The following ESRRG variants were observed in gnomAD, a reference collection of about 807,000 sequenced individuals.
ESRRG encodes the protein estrogen related receptor gamma.
In ESRRG, 13 loss-of-function variants were observed where a neutral mutation model predicts 44.0. That is an observed-to-expected ratio of 0.30 (90% CI 0.19 to 0.47). The LOEUF (loss-of-function observed/expected upper bound fraction) is 0.47, where lower values mean the gene tolerates loss of function less well. Among genes scored for constraint, ESRRG ranks in the 20% least tolerant of loss-of-function variants. The probability of loss-of-function intolerance (pLI) is 1.00; values close to 1 mark genes in which losing one functional copy is unlikely to be tolerated. For synonymous variants in ESRRG, 215 were observed against 214.6 expected, an observed-to-expected ratio of 1.00 and a Z score of -0.02; for missense variants, 395 against 580.6, an observed-to-expected ratio of 0.68 and a Z score of 3.29.
At chr1:216,614,514 T>C (rs1456623125) in intron 3 of ESRRG, among the ~76,000 whole-genome samples, 1 of 152,182 alleles carries the variant, frequency 6.6e-6, no homozygotes, top group African/African-American at 2.4e-5. Context: ...CCATTAACAA[T>C]GAATTCTGAT....
intron 1 of ESRRG, among the ~76,000 whole-genome samples, chr1:217,024,497 C>T (rs1166857538): frequency 6.6e-6 from 1 of 152,130 alleles, no homozygotes; most frequent in Non-Finnish European, 1.5e-5. Context: ...CAGCCACCCA[C>T]CCACACCCAC....
intron 3 of ESRRG, among the ~76,000 whole-genome samples, chr1:216,650,122 CA>C (rs1174345977): frequency 6.6e-6 from 1 of 152,082 alleles, no homozygotes; most frequent in African/African-American, 2.4e-5. Flanking sequence ...GTGTTTATTT[CA>C]AACTCTGGTG....
At chr1:216,568,226 C>T (rs2060033529) in intron 3 of ESRRG, 128 bp from the exon 4 acceptor site, 2 of 671,970 alleles carry the variant, frequency 3.0e-6, no homozygotes, top group South Asian at 3.4e-5. Flanking sequence ...ACCAGGGGTA[C>T]TCAAATAATG....
intron 1 of ESRRG, among the ~76,000 whole-genome samples, chr1:217,085,436 G>A (rs1580510598): frequency 1.7e-5 from 2 of 120,514 alleles, no homozygotes; most frequent in South Asian, 5.4e-4. Flanking sequence ...TCTAAAGATT[G>A]TTCTGGAGAA....
At chr1:217,127,376 A>C (rs1410388105) in intron 1 of ESRRG, among the ~76,000 whole-genome samples, 1 of 152,230 alleles carries the variant, frequency 6.6e-6, no homozygotes, top group Non-Finnish European at 1.5e-5. Flanking sequence ...AAATCATGCC[A>C]AGTTTGGTGA....
intron 2 of ESRRG, among the ~76,000 whole-genome samples, chr1:216,798,727 T>C (rs555702902): frequency 1.6e-4 from 24 of 152,106 alleles, no homozygotes; most frequent in Non-Finnish European, 3.2e-4. Flanking sequence ...ATTGAACAGA[T>C]TTGACAAATA....
intron 5 of ESRRG, among the ~76,000 whole-genome samples, chr1:216,540,516 A>G (rs2052388773): frequency 1.3e-5 from 2 of 152,018 alleles, no homozygotes; most frequent in Non-Finnish European, 2.9e-5. Context: ...TCTCTATATC[A>G]GTCAATATTA....
In ESRRG at chr1:216,504,294, T is replaced by C. The variant is rs1038935894; in HGVS notation, c.*2645A>G. ...TAATCTTTTTAAACACTTACATATA[T>C]AAATAATCTTATAGAATCAGCACCT... On this transcript the variant is annotated 3_prime_UTR_variant, in exon 7 of 7. Transcript: ENST00000408911. The C allele has an allele frequency of 2.6e-5, 4 of 152,294 alleles. No homozygotes were observed. The highest frequency in any genetic ancestry group is 5.9e-5 in the Non-Finnish European group (4 of 67,986). The allele number at this position is 152,294 out of a possible 1,614,324, so 9.4% of individuals were successfully genotyped here. A position where few individuals can be genotyped will look rare whatever the true frequency, so the allele number is the denominator to read the frequency against.
At chr1:217,040,756 A>T (rs1277488797) in intron 1 of ESRRG, among the ~76,000 whole-genome samples, 4 of 152,144 alleles carry the variant, frequency 2.6e-5, no homozygotes, top group Non-Finnish European at 5.9e-5. Flanking sequence ...TATTAGCAAA[A>T]ATTTGGGTTG....
chr1:217,082,008 G>A (rs1389008928), intron 1 of ESRRG, among the ~76,000 whole-genome samples: 1 of 152,192 alleles, frequency 6.6e-6, no homozygotes, highest in Admixed American at 6.5e-5. Context: ...ATCTGTAAGG[G>A]AAAGTAAATA....
intron 1 of ESRRG, among the ~76,000 whole-genome samples, chr1:217,135,706 G>A (rs1175807324): frequency 1.2e-4 from 18 of 152,194 alleles, no homozygotes; most frequent in Admixed American, 1.2e-3. Context: ...TCTTCTCCCT[G>A]GCTGCTTGCC....
At chr1:216,705,030 T>C (rs1174322817) in intron 1 of ESRRG, among the ~76,000 whole-genome samples, 1 of 152,196 alleles carries the variant, frequency 6.6e-6, no homozygotes, top group Non-Finnish European at 1.5e-5. Flanking sequence ...AAAAATAGTA[T>C]GTTTAAACTT....
At chr1:216,937,662 C>T (rs2064380075) in intron 2 of ESRRG, among the ~76,000 whole-genome samples, 1 of 152,100 alleles carries the variant, frequency 6.6e-6, no homozygotes, top group Non-Finnish European at 1.5e-5. Flanking sequence ...AAGAAAACCT[C>T]AGCACCCATC....
chr1:216,585,723 A>G (rs1573566735), intron 3 of ESRRG, among the ~76,000 whole-genome samples: 2 of 152,236 alleles, frequency 1.3e-5, no homozygotes, highest in South Asian at 4.1e-4. Context: ...ATTGATCCTA[A>G]TAACTGATTC....
intron 2 of ESRRG, among the ~76,000 whole-genome samples, chr1:216,748,931 G>A (rs1161270609): frequency 6.6e-6 from 1 of 152,108 alleles, no homozygotes; most frequent in Non-Finnish European, 1.5e-5. Context: ...TTGAGTCTAT[G>A]CTTATGGGGT....
intron 2 of ESRRG, among the ~76,000 whole-genome samples, chr1:216,654,281 T>A (rs2069828141): frequency 6.6e-6 from 1 of 152,042 alleles, no homozygotes. Flanking sequence ...CATGTCCCAT[T>A]AGGAAGCAAT....
chr1:216,783,885 T>C (rs1364054554), intron 2 of ESRRG, among the ~76,000 whole-genome samples: 2 of 152,098 alleles, frequency 1.3e-5, no homozygotes, highest in Non-Finnish European at 2.9e-5. Flanking sequence ...GCACCCTCTC[T>C]CGAAGAATTA....
chr1:217,002,430 A>AT (rs1394703354), intron 1 of ESRRG, among the ~76,000 whole-genome samples: 1 of 151,956 alleles, frequency 6.6e-6, no homozygotes, highest in Non-Finnish European at 1.5e-5. Flanking sequence ...ATGGGCTTAG[A>AT]TTTTATTCCC....
At chr1:216,948,939 T>G (rs1158189289) in intron 1 of ESRRG, among the ~76,000 whole-genome samples, 1 of 152,110 alleles carries the variant, frequency 6.6e-6, no homozygotes, top group Non-Finnish European at 1.5e-5. Context: ...AACAAGAACA[T>G]AAGCTTAGAG....
Sources: allele counts gnomAD v4.1 joint callset (sites outside exome capture counted in the v4.1 genomes callset), GRCh38; gene constraint gnomAD v4.1.1; transcripts MANE v1.5; gene names NCBI Gene and HGNC (gene_info 2026-07-23, HGNC 2026-07-21).